SGK2: variants seen among roughly 807,000 people sequenced by gnomAD.
SGK2 encodes the protein serine/threonine-protein kinase Sgk2.
In SGK2, 36 loss-of-function variants were observed where a neutral mutation model predicts 47.5. The observed-to-expected ratio is 0.76, with a 90% CI of 0.58 to 1.00. SGK2 has a LOEUF of 1.00. Ranked by LOEUF, SGK2 falls within the 50% of genes least tolerant of loss-of-function variation. The pLI, the probability that SGK2 is intolerant of heterozygous loss-of-function variation, is 0.00. For synonymous variants in SGK2, 157 were observed against 181.9 expected (o/e 0.86, Z 1.10); for missense variants, 404 against 467.4 (o/e 0.86, Z 1.25).
At chr20:43,580,919 A>G (rs1217789226) in intron 12 of SGK2, among the ~76,000 whole-genome samples, 1 of 151,188 alleles carries the variant, frequency 6.6e-6, no homozygotes, top group Non-Finnish European at 1.5e-5. Context: ...TCTGTTGCCC[A>G]GGCTGGAGTG....
chr20:43,571,092 TG>T lies in SGK2; in HGVS notation c.510+33del, dbSNP rs761788346. The T allele has an allele frequency of 3.7e-6, 6 of 1,609,972 alleles. No homozygotes were observed. In the South Asian group the frequency reaches 6.6e-5, roughly 18 times the overall value. On this transcript the variant is annotated intron_variant, in intron 8 of 12. Transcript: ENST00000373100. ...GTGTGTGTGTGTGTGTGTGTGTGTG[TG>T]TGTGTGTGTATGTGGTTGCACAGGT... is the stretch of plus-strand genomic sequence containing the variant.
chr20:43,579,099 C>T (rs1425564025), intron 11 of SGK2, among the ~76,000 whole-genome samples: 1 of 151,282 alleles, frequency 6.6e-6, no homozygotes, highest in East Asian at 1.9e-4. Context: ...CTCACTGCAA[C>T]CTCTGCCTCC....
chr20:43,567,113 C>T lies in SGK2; in HGVS notation c.82C>T (p.Pro28Ser). 6.2e-7 allele frequency: 1 copy of T among 1,613,794 alleles called. No homozygotes were observed. Among genetic ancestry groups the T allele is most frequent in the Non-Finnish European group, 8.5e-7 (1 of 1,179,690 alleles). Residue 28 changes from proline to serine, a missense_variant, in exon 3 of 13, where the codon CCA becomes TCA. By Grantham distance (74) the Pro-to-Ser change is moderately conservative. Transcript: ENST00000373100. ...CATCAACCTGGGGCCTTCAGCCAACCCAAAGTGAGTTCTGGTCCCTCAAGC... is the reference window on the plus strand; with the variant it reads ...CATCAACCTGGGGCCTTCAGCCAACTCAAAGTGAGTTCTGGTCCCTCAAGC... ...GNINLGPSANPNAQPTDFDFL... is the reference protein window; with the variant it reads ...GNINLGPSANSNAQPTDFDFL...
chr20:43,584,787 G>C, intron 12 of SGK2, 65 bp from the exon 13 acceptor site: 7 of 1,367,692 alleles, frequency 5.1e-6, no homozygotes, highest in Non-Finnish European at 6.2e-6. Flanking sequence ...CCTCTCTGAG[G>C]ATCTGGGCTC....
At position 43,570,727 on chromosome 20, in the gene SGK2, C is replaced by A; in HGVS notation, c.471C>A (p.Tyr157Ter). The A allele has an allele frequency of 6.2e-7, 1 of 1,605,468 alleles. No individual in the cohort carries two copies. Among genetic ancestry groups the A allele is most frequent in the Non-Finnish European group, 8.5e-7 (1 of 1,172,520 alleles). The change falls in exon 7 of 13, where the codon TAC (tyrosine) becomes TAA (stop). Residue 157 changes from tyrosine to a stop codon, truncating the protein, a stop_gained and splice_region_variant. Coordinates refer to ENST00000373100, the MANE Select transcript of SGK2 (RefSeq NM_170693.3). LOFTEE classifies it high-confidence loss of function. ...IGYLHSLNIIYRDLKPENILL... is the reference protein window; with the variant it reads ...IGYLHSLNII ...ACCTGCACTCCCTCAACATCATTTACAGGTGAGGCCTGCCTGTGGCTCAGA... is the reference window on the plus strand; with the variant it reads ...ACCTGCACTCCCTCAACATCATTTAAAGGTGAGGCCTGCCTGTGGCTCAGA...
At chr20:43,570,953 C>A (rs1047880302) in intron 7 of SGK2, 71 bp from the exon 8 acceptor site, 25 of 1,608,892 alleles carry the variant, frequency 1.6e-5, no homozygotes, top group Admixed American at 3.3e-5. Flanking sequence ...GACCACCCCC[C>A]GCCCAGGTCT....
chr20:43,581,328 A>ATAATT (rs1980785043), intron 12 of SGK2, among the ~76,000 whole-genome samples: 1 of 152,136 alleles, frequency 6.6e-6, no homozygotes, highest in Non-Finnish European at 1.5e-5. Flanking sequence ...TACAATTTTT[A>ATAATT]GTGGCTGCAT....
intron 3 of SGK2, 25 bp from the exon 4 acceptor site, chr20:43,567,640 T>A: frequency 6.2e-7 from 1 of 1,612,602 alleles, no homozygotes; most frequent in South Asian, 1.1e-5. Context: ...CAAATGCTGA[T>A]CCGTGTTTTT....
intron 1 of SGK2, among the ~76,000 whole-genome samples, chr20:43,562,417 C>CA (rs111670042): frequency 0.061 from 3,045 of 49,768 alleles, 209 homozygotes; most frequent in Non-Finnish European, 0.089. Context: ...AACCATGTCT[C>CA]AAAAAAAAAA....
chr20:43,571,064 G>GGTGGGTGGGTGTGT lies in SGK2; in HGVS notation c.510+7_510+8insGGTGGGTGTGTGTG, dbSNP rs796100790. ...GAACATTCTCTTGGACTGCCAGGTTGGTGTGTGTGTGTGTGTGTGTGTGTG... is the reference window on the plus strand; with the variant it reads ...GAACATTCTCTTGGACTGCCAGGTTGGTGGGTGGGTGTGTGTGTGTGTGTGTGTGTGTGTGTGTG... On this transcript the variant is annotated splice_donor_region_variant and intron_variant, in intron 8 of 12. Transcript: ENST00000373100. 23,054 of 1,556,160 alleles carry GGTGGGTGGGTGTGT rather than the reference G, an allele frequency of 0.015. 252 individuals carry two copies. The highest frequency in any genetic ancestry group is 0.063 in the East Asian group (2,714 of 42,794).
At position 43,572,200 on chromosome 20, in the gene SGK2, G is replaced by A. The variant is rs1322338750; in HGVS notation, c.597+63G>A. 1.6e-6 allele frequency: 2 copies of A among 1,230,068 alleles called. No homozygotes were observed. The highest frequency in any genetic ancestry group is 1.5e-5 in the African/African-American group (1 of 66,950). 76.2% of individuals were successfully genotyped at this position (1,230,068 alleles called of 1,614,324 possible). On this transcript the variant is annotated intron_variant, in intron 9 of 12. Transcript: ENST00000373100. The surrounding 1 kb of genome is among the most constrained non-coding windows in gnomAD (Gnocchi z 4.2). ...TGGGTGAGGCCACAGCTCCTGATTA[G>A]AGCCAACAGGTTACAGTGAAGGGGA...
At chr20:43,571,487 A>T (rs941239974) in intron 8 of SGK2, among the ~76,000 whole-genome samples, 1 of 152,160 alleles carries the variant, frequency 6.6e-6, no homozygotes, top group Admixed American at 6.5e-5. Context: ...GCCTCAGCTG[A>T]TCTTGCCGGC....
intron 1 of SGK2, among the ~76,000 whole-genome samples, chr20:43,565,558 C>G (rs1979650609): frequency 6.6e-6 from 1 of 152,306 alleles, no homozygotes; most frequent in East Asian, 1.9e-4. Context: ...CAGGACCCCC[C>G]CTTGTAAAGA....
In SGK2 at chr20:43,561,471, C is replaced by T. The variant is rs535380577; in HGVS notation, c.-24+2312C>T. Among the ~76,000 whole-genome samples the T allele has an allele frequency of 2.0e-5, 3 of 149,120 alleles. No individual in the cohort carries two copies. In the South Asian group the frequency reaches 6.4e-4, roughly 32 times the overall value. On this transcript the variant is annotated intron_variant, in intron 1 of 12. Coordinates refer to ENST00000373100, the MANE Select transcript of SGK2 (RefSeq NM_170693.3). ...GTGGCGTGATCTCAGCTCACTGCAA[C>T]CTCTGCCTCCTGGGTTCAAGCTATT...
At chr20:43,567,777 C>T in intron 4 of SGK2, 55 bp downstream of exon 4, 1 of 1,587,032 alleles carries the variant, frequency 6.3e-7, no homozygotes, top group Non-Finnish European at 8.7e-7. Flanking sequence ...CAGCCTCTTC[C>T]AGCCCCTGCT....
chr20:43,564,470 C>T (rs1023433316), intron 1 of SGK2, among the ~76,000 whole-genome samples: 1 of 152,128 alleles, frequency 6.6e-6, no homozygotes, highest in East Asian at 1.9e-4. Flanking sequence ...GCCCCCTAGC[C>T]GCACGCATGC....
chr20:43,563,279 T>G (rs1211399821), intron 1 of SGK2, among the ~76,000 whole-genome samples: 1 of 152,162 alleles, frequency 6.6e-6, no homozygotes, highest in Non-Finnish European at 1.5e-5. Context: ...GATAGGCCTG[T>G]GTTTAAGGAT....
In SGK2 at chr20:43,567,687, T is replaced by A; in HGVS notation, c.109T>A (p.Phe37Ile). 6.2e-7 allele frequency: 1 copy of A among 1,614,160 alleles called. No homozygotes were observed. Among genetic ancestry groups the A allele is most frequent in the South Asian group, 1.1e-5 (1 of 91,082 alleles). Residue 37 changes from phenylalanine (F) to isoleucine (I), a missense_variant, in exon 4 of 13, where the codon TTC (phenylalanine) becomes ATC (isoleucine). Physicochemically the swap from Phe to Ile is conservative, Grantham distance 21. Coordinates refer to ENST00000373100, the MANE Select transcript of SGK2 (RefSeq NM_170693.3). Reference sequence around the variant, plus strand: ...CAGTGCCCAGCCCACGGACTTCGACTTCCTCAAAGTCATCGGCAAAGGGAA... The same window carrying A: ...CAGTGCCCAGCCCACGGACTTCGACATCCTCAAAGTCATCGGCAAAGGGAA... ...NPNAQPTDFD[F>I]LKVIGKGNYG... is the part of the protein sequence containing the mutation.
At chr20:43,559,642 G>A (rs6030956) in intron 1 of SGK2, among the ~76,000 whole-genome samples, 4,679 of 152,286 alleles carry the variant, frequency 0.031, 227 homozygotes, top group African/African-American at 0.1. Context: ...CTGGGCAGGC[G>A]TGTAAATGAA....
Sources: gnomAD v4.1 joint callset for allele counts (sites outside exome capture counted in the v4.1 genomes callset) on GRCh38, gnomAD v4.1.1 for gene constraint, Gnocchi (gnomAD v3.1) non-coding constraint, MANE v1.5 for transcripts, NCBI Gene and HGNC (gene_info 2026-07-23, HGNC 2026-07-21) for gene names.